Variants in SGSM2 observed in about 807,000 individuals in gnomAD.
The protein encoded by SGSM2 is small G protein signaling modulator 2, also known as RUN and TBC1 domain containing 1.
SGSM2 carries 89 observed loss-of-function variants against 126.6 expected under a neutral mutation model. The observed-to-expected ratio is 0.70, with a 90% confidence interval of 0.59 to 0.84. SGSM2 has a LOEUF of 0.84. Ranked by LOEUF, SGSM2 falls within the 40% of genes least tolerant of loss-of-function variation. The probability of loss-of-function intolerance (pLI) is 0.00; values close to 1 mark genes in which losing one functional copy is unlikely to be tolerated. For synonymous variants in SGSM2, 614 were observed against 574.3 expected, an observed-to-expected ratio of 1.07 and a Z score of -0.99; for missense variants, 1,404 against 1,416.6, an observed-to-expected ratio of 0.99 and a Z score of 0.14.
intron 17 of SGSM2, 187 bp from the exon 18 acceptor site, chr17:2,375,305 T>G (rs2066077415): frequency 3.1e-6 from 2 of 651,050 alleles, no homozygotes; most frequent in East Asian, 3.0e-5. Flanking sequence ...GCCAGAGGCT[T>G]GTTTCTCTCC....
At chr17:2,338,654 CTGTT>C (rs2064198084) in intron 1 of SGSM2, among the ~76,000 whole-genome samples, 2 of 151,970 alleles carry the variant, frequency 1.3e-5, no homozygotes, top group Non-Finnish European at 2.9e-5. Flanking sequence ...CACTCCGTGA[CTGTT>C]TGGTAAATAA....
At chr17:2,369,943 G>A (rs931564716) in intron 12 of SGSM2, among the ~76,000 whole-genome samples, 2 of 152,164 alleles carry the variant, frequency 1.3e-5, no homozygotes, top group African/African-American at 4.8e-5. Context: ...TCCTGGTGGA[G>A]CTGAAGGGCC....
chr17:2,354,936 C>G (rs34530792), intron 2 of SGSM2, among the ~76,000 whole-genome samples: 461 of 45,088 alleles, frequency 0.01, 7 homozygotes, highest in Middle Eastern at 0.045. Context: ...GGGGTGTAAG[C>G]GTTGGGGAAG....
intron 2 of SGSM2, 44 bp downstream of exon 2, chr17:2,343,664 G>A (rs757068103): frequency 8.9e-6 from 14 of 1,564,916 alleles, no homozygotes; most frequent in Middle Eastern, 3.9e-4. Context: ...GTCTAGAGCC[G>A]AGGACACTGG....
chr17:2,369,900 C>T (rs546424439), intron 12 of SGSM2, among the ~76,000 whole-genome samples: 1 of 152,208 alleles, frequency 6.6e-6, no homozygotes, highest in Non-Finnish European at 1.5e-5. Context: ...GAGCCGCAGC[C>T]CCTCCTCACC....
At chr17:2,338,572 G>A (rs1047418172) in intron 1 of SGSM2, among the ~76,000 whole-genome samples, 6 of 152,008 alleles carry the variant, frequency 3.9e-5, no homozygotes, top group Admixed American at 1.3e-4. Flanking sequence ...TGCCTGGTAA[G>A]TAAACTCCAC....
rs921376152 is a variant in SGSM2, at chr17:2,375,426, G to A, written c.2101-66G>A. 1.6e-5 allele frequency: 24 copies of A among 1,532,702 alleles called. No individual in the cohort carries two copies. The South Asian group carries it at 1.8e-4, about 11-fold the overall frequency. 94.9% of individuals were successfully genotyped at this position (1,532,702 alleles called of 1,614,324 possible). A position where few individuals can be genotyped will look rare whatever the true frequency, so the allele number is the denominator to read the frequency against. ...TTGCATTCCAGCTCCCTTCTGGCCC[G>A]AGGAGGCGGTGGGCTGCGGGAAGGT... On this transcript the variant is annotated intron_variant, in intron 17 of 23. Transcript: ENST00000268989.
Position 2,380,377 on chromosome 17 carries a change from T to G in SGSM2, c.*857T>G. 1 of 1,385,910 alleles carries G rather than the reference T, an allele frequency of 7.2e-7. No homozygotes were observed. Among genetic ancestry groups the G allele is most frequent in the Admixed American group, 2.0e-5 (1 of 50,700 alleles). The allele number at this position is 1,385,910 out of a possible 1,614,324, so 85.9% of individuals were successfully genotyped here. On this transcript the variant is annotated 3_prime_UTR_variant, in exon 24 of 24. Transcript: ENST00000268989. ...CCAGGGTGACTCTGTCGGGGAAGAA[T>G]CCGGTCACAGCCTCCCCTCAGAGAC...
chr17:2,377,486 A>AAAAAAAAAAAAAACGAAAAAAAAG (rs1567852701), intron 21 of SGSM2: 41 of 174,394 alleles, frequency 2.4e-4, no homozygotes, highest in African/African-American at 1.0e-3. Flanking sequence ...TCTGTCTCAA[A>AAAAAAAAAAAAAACGAAAAAAAAG]AAAAAAAAAA....
intron 11 of SGSM2, 85 bp downstream of exon 11, chr17:2,365,426 G>A (rs1203801785): frequency 1.4e-6 from 2 of 1,436,404 alleles, no homozygotes; most frequent in Non-Finnish European, 9.2e-7. Flanking sequence ...GAGGGCAGCA[G>A]GCAGGGCCCA....
Position 2,367,101 on chromosome 17 carries a change from C to T in SGSM2, c.1289-170C>T. On this transcript the variant is annotated intron_variant, in intron 11 of 23. Transcript: ENST00000268989. The surrounding 1 kb of genome is among the most constrained non-coding windows in gnomAD (Gnocchi z 4.0). ...CCAGCCCCTCGCCTCCTTCCACACTCTCCCAGGAAAATCATCCAAAGAGCT... is the reference window on the plus strand; with the variant it reads ...CCAGCCCCTCGCCTCCTTCCACACTTTCCCAGGAAAATCATCCAAAGAGCT... The T allele has an allele frequency of 1.3e-6, 1 of 750,338 alleles. No individual in the cohort carries two copies. The highest frequency in any genetic ancestry group is 2.0e-5 in the South Asian group (1 of 50,742). The allele number at this position is 750,338 out of a possible 1,614,324, so 46.5% of individuals were successfully genotyped here.
intron 12 of SGSM2, among the ~76,000 whole-genome samples, chr17:2,370,646 TAGG>T (rs2065824253): frequency 6.6e-6 from 1 of 152,172 alleles, no homozygotes; most frequent in African/African-American, 2.4e-5. Context: ...AAAGGGGCCA[TAGG>T]AGCTGACAGC....
chr17:2,362,817 A>T lies in SGSM2; in HGVS notation c.459-21A>T, dbSNP rs757918626. ...AATGAGCCCCGGAGCCTCGGCAGTCACACTGTCTGTCTCCTGGCAGCAAGT... is the reference window on the plus strand; with the variant it reads ...AATGAGCCCCGGAGCCTCGGCAGTCTCACTGTCTGTCTCCTGGCAGCAAGT... On this transcript the variant is annotated intron_variant, in intron 4 of 23. Transcript: ENST00000268989. The surrounding 1 kb of genome is among the most constrained non-coding windows in gnomAD (Gnocchi z 4.9). The T allele has an allele frequency of 1.2e-6, 2 of 1,613,560 alleles. No individual in the cohort carries two copies. The highest frequency in any genetic ancestry group is 3.3e-5 in the Admixed American group (2 of 60,018).
At chr17:2,348,814 G>A (rs980677505) in intron 2 of SGSM2, among the ~76,000 whole-genome samples, 1 of 152,098 alleles carries the variant, frequency 6.6e-6, no homozygotes, top group African/African-American at 2.4e-5. Flanking sequence ...CCCCGCTGGA[G>A]TGCAGTGGTG....
chr17:2,375,109 C>T (rs540136668), intron 17 of SGSM2: 1 of 181,336 alleles, frequency 5.5e-6, no homozygotes, highest in African/African-American at 2.4e-5. Context: ...CTTCTCTCCA[C>T]CCAGCCACAC....
rs146837751 is a variant in SGSM2 at position 2,376,224 on chromosome 17, C to G, written c.2572C>G (p.Pro858Ala). 413 of 1,613,958 alleles carry G rather than the reference C, an allele frequency of 2.6e-4. 3 individuals are homozygous for G. The South Asian group carries it at 4.1e-3, about 16-fold the overall frequency. The change falls in exon 19 of 24, where the codon CCC becomes GCC. Residue 858 changes from proline to alanine, a missense_variant. Pro to Ala is a conservative substitution (Grantham distance 27). Coordinates refer to ENST00000268989, the MANE Select transcript of SGSM2 (RefSeq NM_014853.3). Reference protein sequence around the residue: ...RCDRNYWYFTPPNLERLRDVM... With the variant: ...RCDRNYWYFTAPNLERLRDVM... Reference sequence around the variant, plus strand: ...TGACCGCAACTACTGGTACTTCACGCCCCCCAACCTCGAGAGGCTCAGAGA... The same window carrying G: ...TGACCGCAACTACTGGTACTTCACGGCCCCCAACCTCGAGAGGCTCAGAGA...
In SGSM2 at chr17:2,364,097, G is replaced by A; in HGVS notation, c.846G>A (p.Leu282=). 1 of 1,613,968 alleles carries A rather than the reference G, an allele frequency of 6.2e-7. No individual in the cohort carries two copies. The highest frequency in any genetic ancestry group is 8.5e-7 in the Non-Finnish European group (1 of 1,180,004). ...DMEAVPGYLS[L]HQSAESLTLK... is the part of the protein sequence containing the mutation. ...AGGCGGTCCCTGGCTACCTCTCCCT[G>A]CACCAGTCTGCAGAGAGCCTGACTC... Residue 282 remains leucine (L), a synonymous_variant, in exon 8 of 24, where the codon CTG becomes CTA. Coordinates refer to ENST00000268989, the MANE Select transcript of SGSM2 (RefSeq NM_014853.3).
chr17:2,362,398 C>T lies in SGSM2; in HGVS notation c.458+128C>T, dbSNP rs1406893276. The T allele has an allele frequency of 4.7e-6, 5 of 1,066,206 alleles. No homozygotes were observed. Among genetic ancestry groups the T allele is most frequent in the African/African-American group, 3.3e-5 (2 of 61,060 alleles). The allele number at this position is 1,066,206 out of a possible 1,614,324, so 66.0% of individuals were successfully genotyped here. ...CCCCAAAAACTGCAGGTGACCGCCC[C>T]GTTCCCCCCAAAACTGCAGGTGACC... is the stretch of plus-strand genomic sequence containing the variant. On this transcript the variant is annotated intron_variant, in intron 4 of 23. Transcript: ENST00000268989. This position sits in a 1 kb window ranked among gnomAD's most constrained non-coding sequence, Gnocchi z 4.9.
At chr17:2,350,020 C>T (rs1398403753) in intron 2 of SGSM2, among the ~76,000 whole-genome samples, 1 of 151,998 alleles carries the variant, frequency 6.6e-6, no homozygotes, top group African/African-American at 2.4e-5. Context: ...ATCTCCTGAC[C>T]TCGTGATCCG....
Sources: allele counts gnomAD v4.1 joint callset (sites outside exome capture counted in the v4.1 genomes callset), GRCh38; gene constraint gnomAD v4.1.1; non-coding constraint Gnocchi (gnomAD v3.1); transcripts MANE v1.5; gene names NCBI Gene and HGNC (gene_info 2026-07-23, HGNC 2026-07-21).